PRKG1: variants seen among roughly 807,000 people sequenced by gnomAD.
PRKG1 encodes the protein protein kinase cGMP-dependent 1, also known as cGMP-dependent protein kinase 1.
Under a neutral mutation model 88.1 loss-of-function variants are expected in PRKG1, and 35 were observed. The observed-to-expected ratio is 0.40, with a 90% CI of 0.30 to 0.53. The LOEUF (loss-of-function observed/expected upper bound fraction) is 0.53, where lower values mean the gene tolerates loss of function less well. Ranked by LOEUF, PRKG1 falls within the 20% of genes least tolerant of loss-of-function variation. The pLI, the probability that PRKG1 is intolerant of heterozygous loss-of-function variation, is 0.59. For missense variants in PRKG1, 540 were observed against 839.8 expected, an observed-to-expected ratio of 0.64 and a Z score of 4.41; for synonymous variants, 303 against 292.5, an observed-to-expected ratio of 1.04 and a Z score of -0.37.
At chr10:51,725,228 A>G (rs1329796983) in intron 3 of PRKG1, among the ~76,000 whole-genome samples, 1 of 152,188 alleles carries the variant, frequency 6.6e-6, no homozygotes, top group Non-Finnish European at 1.5e-5. Context: ...AAAAATTCAG[A>G]TGTGTGGATT....
chr10:52,161,486 T>G (rs1838274610), intron 8 of PRKG1, among the ~76,000 whole-genome samples: 2 of 152,120 alleles, frequency 1.3e-5, no homozygotes, highest in African/African-American at 4.8e-5. Context: ...GTAATTTAAA[T>G]AACAGTACCT....
intron 2 of PRKG1, among the ~76,000 whole-genome samples, chr10:51,194,290 C>A (rs1837706393): frequency 6.7e-6 from 1 of 150,086 alleles, no homozygotes; most frequent in African/African-American, 2.5e-5. Context: ...GCTGAATGAG[C>A]AGGTTTGTTA....
At chr10:51,901,928 G>T (rs540791514) in intron 4 of PRKG1, among the ~76,000 whole-genome samples, 1 of 152,000 alleles carries the variant, frequency 6.6e-6, no homozygotes, top group East Asian at 1.9e-4. Flanking sequence ...AAATATCATT[G>T]ATAAATAATA....
chr10:51,556,586 T>C lies in PRKG1; in HGVS notation c.592+88750T>C, dbSNP rs375243709. On this transcript the variant is annotated intron_variant, in intron 3 of 17. Transcript: ENST00000373980. ...TTCCTTGCAGCAATATGGATGCAGC[T>C]GGAGGCCATTATCCTAAGCACATTA... 3.9e-5 allele frequency among the ~76,000 whole-genome samples: 6 copies of C among 152,032 alleles called. No homozygotes were observed. The South Asian group carries it at 1.0e-3, about 26-fold the overall frequency.
chr10:52,133,873 A>G lies in PRKG1; in HGVS notation c.969A>G (p.Ala323=). The G allele has an allele frequency of 6.2e-7, 1 of 1,613,322 alleles. No homozygotes were observed. The highest frequency in any genetic ancestry group is 1.3e-5 in the African/African-American group (1 of 75,024). ...TGAGAACAGCAAACGTAATTGCTGCAGAAGCTGTAACCTGCCTTGTGATTG... is the reference window on the plus strand; with the variant it reads ...TGAGAACAGCAAACGTAATTGCTGCGGAAGCTGTAACCTGCCTTGTGATTG... ...EDVRTANVIA[A]EAVTCLVIDR... is the part of the protein sequence containing the mutation. Residue 323 remains alanine, a synonymous_variant, in exon 8 of 18, where the codon GCA becomes GCG. Transcript: ENST00000373980.
At chr10:51,628,935 C>T (rs1839447751) in intron 3 of PRKG1, among the ~76,000 whole-genome samples, 1 of 147,764 alleles carries the variant, frequency 6.8e-6, no homozygotes, top group East Asian at 2.0e-4. Context: ...GTCCGCAGTC[C>T]GGCCTGGGCG....
chr10:52,249,616 C>A, intron 9 of PRKG1, among the ~76,000 whole-genome samples: 1 of 152,088 alleles, frequency 6.6e-6, no homozygotes, highest in Non-Finnish European at 1.5e-5. Flanking sequence ...AATAATAACA[C>A]CATACTTTGA....
intron 7 of PRKG1, among the ~76,000 whole-genome samples, chr10:52,091,122 T>C (rs1847046034): frequency 6.6e-6 from 1 of 152,178 alleles, no homozygotes; most frequent in South Asian, 2.1e-4. Context: ...GCCGGGCTCT[T>C]GTCTGTTGTA....
chr10:51,140,961 C>T (rs1347938996), intron 1 of PRKG1, among the ~76,000 whole-genome samples: 1 of 152,198 alleles, frequency 6.6e-6, no homozygotes, highest in African/African-American at 2.4e-5. Flanking sequence ...TTTGTTCCAT[C>T]CAGCTGCCTC....
chr10:51,672,249 A>G (rs184728275), intron 3 of PRKG1, among the ~76,000 whole-genome samples: 47 of 152,010 alleles, frequency 3.1e-4, no homozygotes, highest in Admixed American at 2.2e-3. Context: ...AGACCTTCTT[A>G]CCCTTAATCT....
chr10:51,683,849 T>C (rs972990623), intron 3 of PRKG1, among the ~76,000 whole-genome samples: 1 of 152,168 alleles, frequency 6.6e-6, no homozygotes, highest in African/African-American at 2.4e-5. Context: ...AACTCACAAC[T>C]TTGTTACAAA....
At chr10:51,408,427 G>A (rs1182507685) in intron 2 of PRKG1, among the ~76,000 whole-genome samples, 1 of 152,214 alleles carries the variant, frequency 6.6e-6, no homozygotes, top group African/African-American at 2.4e-5. Flanking sequence ...TGGTGGATAA[G>A]GCATTCCATG....
intron 5 of PRKG1, among the ~76,000 whole-genome samples, chr10:51,932,855 A>G (rs1842723377): frequency 6.6e-6 from 1 of 152,160 alleles, no homozygotes; most frequent in Non-Finnish European, 1.5e-5. Flanking sequence ...GTACTTGGAA[A>G]GGAGGTGAAG....
chr10:52,288,673 T>C, intron 14 of PRKG1, 53 bp from the exon 15 acceptor site: 1 of 1,511,034 alleles, frequency 6.6e-7, no homozygotes, highest in East Asian at 2.3e-5. Context: ...ATTCAAGTGT[T>C]CTCATGTAGA....
intron 7 of PRKG1, among the ~76,000 whole-genome samples, chr10:52,084,197 G>A (rs564482335): frequency 1.2e-4 from 18 of 151,942 alleles, no homozygotes; most frequent in Non-Finnish European, 2.2e-4. Context: ...TTTTAAAAAG[G>A]AGCAGTAAGG....
chr10:52,176,651 A>G (rs569025675), intron 9 of PRKG1, among the ~76,000 whole-genome samples: 1 of 152,282 alleles, frequency 6.6e-6, no homozygotes, highest in African/African-American at 2.4e-5. Flanking sequence ...ATCCATGAGT[A>G]TAAGATGTCT....
chr10:51,878,860 C>A (rs528508752), intron 4 of PRKG1, among the ~76,000 whole-genome samples: 1 of 152,250 alleles, frequency 6.6e-6, no homozygotes, highest in South Asian at 2.1e-4. Context: ...AACAGACACA[C>A]ACATATTGAC....
chr10:51,587,213 T>C (rs972230224), intron 3 of PRKG1, among the ~76,000 whole-genome samples: 2 of 152,130 alleles, frequency 1.3e-5, no homozygotes, highest in Non-Finnish European at 2.9e-5. Flanking sequence ...AGAGAGACCA[T>C]CTTTCTTTCC....
At chr10:52,274,995 C>T (rs1841836220) in intron 12 of PRKG1, among the ~76,000 whole-genome samples, 2 of 152,016 alleles carry the variant, frequency 1.3e-5, no homozygotes, top group South Asian at 2.1e-4. Flanking sequence ...TGAGAATTGT[C>T]TATTCATGTT....
Sources: gnomAD v4.1 joint callset for allele counts (sites outside exome capture counted in the v4.1 genomes callset) on GRCh38, gnomAD v4.1.1 for gene constraint, MANE v1.5 for transcripts, NCBI Gene and HGNC (gene_info 2026-07-23, HGNC 2026-07-21) for gene names.